Variants in POF1B observed in about 807,000 individuals in gnomAD.
The protein encoded by POF1B is protein POF1B.
POF1B carries 53 observed loss-of-function variants against 55.3 expected under a neutral mutation model. That is an observed-to-expected ratio of 0.96 (90% CI 0.77 to 1.20). The LOEUF is 1.20. Among genes scored for constraint, POF1B ranks in the 50% most tolerant of loss-of-function variants. The pLI is 0.00. For missense variants in POF1B, 478 were observed against 420.5 expected, an observed-to-expected ratio of 1.14 and a Z score of -1.20; for synonymous variants, 188 against 148.3, an observed-to-expected ratio of 1.27 and a Z score of -1.95.
chrX:85,356,310 G>C (rs765263942), intron 4 of POF1B, among the ~76,000 whole-genome samples: 2 of 106,524 alleles, frequency 1.9e-5, no homozygotes, highest in East Asian at 6.0e-4. Flanking sequence ...GGCCTGTTGT[G>C]GGGTGGAGGG....
chrX:85,279,834 A>C (rs1931859489), intron 16 of POF1B, among the ~76,000 whole-genome samples: 1 of 110,929 alleles, frequency 9.0e-6, no homozygotes, highest in Admixed American at 9.6e-5. Flanking sequence ...ATGGAGAGAG[A>C]AGTAGTGGCT....
At chrX:85,337,573 C>A (rs1603056096) in intron 6 of POF1B, among the ~76,000 whole-genome samples, 1 of 111,290 alleles carries the variant, frequency 9.0e-6, no homozygotes, top group East Asian at 2.8e-4. Flanking sequence ...CCATCTCGCC[C>A]CACCTCCTGG....
intron 3 of POF1B, among the ~76,000 whole-genome samples, chrX:85,359,854 G>T (rs1431386739): frequency 1.3e-4 from 14 of 110,939 alleles, no homozygotes; most frequent in Non-Finnish European, 2.5e-4. Flanking sequence ...TCATTTCATG[G>T]TATTTCATCC....
chrX:85,331,178 A>T, intron 6 of POF1B, 99 bp from the exon 7 acceptor site: 1 of 858,304 alleles, frequency 1.2e-6, no homozygotes, highest in South Asian at 4.1e-5. Context: ...TACTAAAGTC[A>T]TCACATAAAT....
chrX:85,368,536 GAAGAGTAAATTT>G (rs1255756814), intron 2 of POF1B, among the ~76,000 whole-genome samples: 2 of 111,469 alleles, frequency 1.8e-5, no homozygotes, highest in East Asian at 5.6e-4. Flanking sequence ...AAGGTAGTTT[GAAGAGTAAATTT>G]AAGAGTAAAT....
At chrX:85,311,209 T>C (rs1242093173) in intron 9 of POF1B, among the ~76,000 whole-genome samples, 2 of 111,767 alleles carry the variant, frequency 1.8e-5, no homozygotes, top group Non-Finnish European at 3.8e-5. Context: ...TAGAGTTTTC[T>C]TTTTTTATTA....
chrX:85,293,935 C>T (rs1932249741), intron 15 of POF1B, among the ~76,000 whole-genome samples: 1 of 107,742 alleles, frequency 9.3e-6, no homozygotes, highest in African/African-American at 3.4e-5. Flanking sequence ...GATCATGCCA[C>T]TGCACTCCAG....
At chrX:85,301,576 GAAA>G (rs1932457607) in intron 15 of POF1B, among the ~76,000 whole-genome samples, 1 of 111,058 alleles carries the variant, frequency 9.0e-6, no homozygotes, top group Non-Finnish European at 1.9e-5. Flanking sequence ...TCCATTTGAA[GAAA>G]TAAAGATCAC....
intron 16 of POF1B, 96 bp from the exon 17 acceptor site, chrX:85,279,522 G>T: frequency 1.2e-6 from 1 of 844,825 alleles, no homozygotes; most frequent in Non-Finnish European, 1.7e-6. Flanking sequence ...AAATTGGTAT[G>T]TATAAAACCA....
chrX:85,324,099 GT>G (rs1353529944), intron 7 of POF1B, among the ~76,000 whole-genome samples: 2 of 111,675 alleles, frequency 1.8e-5, no homozygotes, highest in Non-Finnish European at 1.9e-5. Flanking sequence ...GTTATTTCAT[GT>G]TTTTTGTATT....
intron 2 of POF1B, among the ~76,000 whole-genome samples, chrX:85,369,322 G>C (rs979870037): frequency 4.5e-5 from 5 of 111,110 alleles, no homozygotes; most frequent in Admixed American, 9.6e-5. Context: ...ACAGACCCAA[G>C]AGGAGCAGAT....
At chrX:85,374,604 G>A (rs1480038977) in intron 2 of POF1B, among the ~76,000 whole-genome samples, 2 of 112,253 alleles carry the variant, frequency 1.8e-5, no homozygotes, top group African/African-American at 3.2e-5. Context: ...TGGAAGGTTT[G>A]TGTATGCTCC....
intron 4 of POF1B, among the ~76,000 whole-genome samples, chrX:85,353,709 C>G (rs1306863882): frequency 9.0e-6 from 1 of 110,967 alleles, no homozygotes; most frequent in Admixed American, 9.6e-5. Flanking sequence ...AGGTCTGGAA[C>G]TAAGTGGTGA....
chrX:85,334,167 C>G (rs896756409), intron 6 of POF1B, among the ~76,000 whole-genome samples: 2 of 110,657 alleles, frequency 1.8e-5, no homozygotes, highest in Non-Finnish European at 3.8e-5. Flanking sequence ...TCAAAGCTAT[C>G]TTTTTTGTTG....
At chrX:85,378,978 C>T (rs965437566) in intron 2 of POF1B, among the ~76,000 whole-genome samples, 195 bp downstream of exon 2, 4 of 111,493 alleles carry the variant, frequency 3.6e-5, no homozygotes, top group Non-Finnish European at 5.6e-5. Context: ...CAGTGAAACC[C>T]GGAAACAAAC....
intron 15 of POF1B, among the ~76,000 whole-genome samples, chrX:85,292,030 G>T (rs111652246): frequency 0.026 from 2,933 of 111,072 alleles, 98 homozygotes; most frequent in African/African-American, 0.091. Flanking sequence ...CAATGGGAAT[G>T]CTTCCAGCTT....
chrX:85,370,884 G>A (rs1007133915), intron 2 of POF1B, among the ~76,000 whole-genome samples: 19 of 112,134 alleles, frequency 1.7e-4, no homozygotes, highest in African/African-American at 5.2e-4. Flanking sequence ...ATCAGTCAGT[G>A]TTTAATTTTG....
intron 11 of POF1B, 47 bp from the exon 12 acceptor site, chrX:85,306,380 G>T (rs766200497): frequency 4.5e-6 from 5 of 1,112,142 alleles, no homozygotes; most frequent in Non-Finnish European, 6.1e-6. Flanking sequence ...TTTGTTTTTG[G>T]TGAGGGAGTG....
At chrX:85,375,105 TAC>T (rs1933898997) in intron 2 of POF1B, among the ~76,000 whole-genome samples, 1 of 111,537 alleles carries the variant, frequency 9.0e-6, no homozygotes, top group Non-Finnish European at 1.9e-5. Context: ...GAAAATAAAA[TAC>T]ACAGTCTTTT....
Sources: allele counts gnomAD v4.1 joint callset (sites outside exome capture counted in the v4.1 genomes callset), GRCh38; gene constraint gnomAD v4.1.1; transcripts MANE v1.5; gene names NCBI Gene and HGNC (gene_info 2026-07-23, HGNC 2026-07-21).